TULP3: variants seen among roughly 807,000 people sequenced by gnomAD.
TULP3 encodes the protein TUB like protein 3, also known as tubby-related protein 3.
A neutral mutation model predicts 50.7 loss-of-function variants in TULP3; 38 were observed. That is an observed-to-expected ratio of 0.75 (90% confidence interval 0.58 to 0.98). The LOEUF is 0.98. Among genes scored for constraint, TULP3 ranks in the 50% least tolerant of loss-of-function variants. The pLI is 0.00. For missense variants in TULP3, 550 were observed against 568.0 expected (o/e 0.97, Z 0.32); for synonymous variants, 183 against 196.6 (o/e 0.93, Z 0.58).
chr12:2,931,124 A>T lies in TULP3; in HGVS notation c.580A>T (p.Ser194Cys), dbSNP rs372314358. 1.4e-4 allele frequency: 234 copies of T among 1,614,206 alleles called. No individual in the cohort carries two copies. In the Middle Eastern group the frequency reaches 1.8e-3, roughly 13 times the overall value. Reference sequence around the variant, plus strand: ...AGACGACCTGGAGGACTTTGTGTATAGTCCTGCCCCTCAAGGTGTCACAGT... The same window carrying T: ...AGACGACCTGGAGGACTTTGTGTATTGTCCTGCCCCTCAAGGTGTCACAGT... ...DIDDLEDFVY[S>C]PAPQGVTVRC... The change falls in exon 6 of 11, where the codon AGT becomes TGT. Residue 194 changes from serine (S) to cysteine (C), a missense_variant. Coordinates refer to ENST00000448120, the MANE Select transcript of TULP3 (RefSeq NM_003324.5).
chr12:2,927,658 T>C (rs1477384840), intron 4 of TULP3, among the ~76,000 whole-genome samples: 1 of 152,110 alleles, frequency 6.6e-6, no homozygotes, highest in Non-Finnish European at 1.5e-5. Context: ...CGGCCTGAGA[T>C]TGATTTTTTT....
intron 1 of TULP3, among the ~76,000 whole-genome samples, chr12:2,900,585 A>G (rs771690858): frequency 1.8e-4 from 26 of 142,088 alleles, no homozygotes; most frequent in Non-Finnish European, 3.6e-4. Flanking sequence ...ACTCAAAAAC[A>G]TCTGTTTTGA....
intron 2 of TULP3, among the ~76,000 whole-genome samples, chr12:2,918,346 A>AG (rs955314229): frequency 4.0e-5 from 6 of 151,760 alleles, no homozygotes; most frequent in Admixed American, 3.9e-4. Flanking sequence ...TCCTGACCTC[A>AG]GGTAATCCGC....
At chr12:2,935,797 C>T (rs1338352163) in intron 8 of TULP3, among the ~76,000 whole-genome samples, 4 of 151,358 alleles carry the variant, frequency 2.6e-5, no homozygotes, top group Non-Finnish European at 4.4e-5. Context: ...GGTGAAACCC[C>T]ATCTCTACTA....
rs2098204395 is a variant in TULP3, at chr12:2,940,809, T to G, written c.*1365T>G. 1.6e-6 allele frequency: 2 copies of G among 1,284,544 alleles called. No homozygotes were observed. Among genetic ancestry groups the G allele is most frequent in the African/African-American group, 1.5e-5 (1 of 66,962 alleles). 79.6% of individuals were successfully genotyped at this position (1,284,544 alleles called of 1,614,324 possible). ...CCTGCTGGGTGAGGACGAGACTGTT[T>G]CCATCTCAGGCATGTATCCCACCAA... On this transcript the variant is annotated 3_prime_UTR_variant, in exon 11 of 11. Transcript: ENST00000448120.
chr12:2,917,352 A>G (rs2098189191), intron 2 of TULP3, among the ~76,000 whole-genome samples: 1 of 151,984 alleles, frequency 6.6e-6, no homozygotes, highest in South Asian at 2.1e-4. Flanking sequence ...TGCACCTGTA[A>G]TCCCCGCTAC....
chr12:2,934,053 G>C (rs1449134879), intron 7 of TULP3, among the ~76,000 whole-genome samples: 1 of 152,182 alleles, frequency 6.6e-6, no homozygotes, highest in Non-Finnish European at 1.5e-5. Flanking sequence ...TTTGAGACCA[G>C]CCTGGGCAAC....
chr12:2,896,909 C>T (rs1256738617), intron 1 of TULP3, among the ~76,000 whole-genome samples: 1 of 152,100 alleles, frequency 6.6e-6, no homozygotes, highest in African/African-American at 2.4e-5. Context: ...TAATATAATT[C>T]CTGGCAGGCA....
chr12:2,930,870 A>T, intron 5 of TULP3, 167 bp from the exon 6 acceptor site: 1 of 723,944 alleles, frequency 1.4e-6, no homozygotes, highest in Non-Finnish European at 2.4e-6. Context: ...ACTCTTCATT[A>T]CTCTCAATAT....
At chr12:2,935,902 C>T (rs1373618567) in intron 8 of TULP3, among the ~76,000 whole-genome samples, 4 of 151,840 alleles carry the variant, frequency 2.6e-5, no homozygotes, top group Admixed American at 1.3e-4. Flanking sequence ...TTAGGAGGGT[C>T]GAGGCTGCAG....
rs146075749 is a variant in TULP3 at position 2,933,543 on chromosome 12, T to A, written c.809+13T>A. The A allele has an allele frequency of 1.7e-5, 26 of 1,519,324 alleles. No individual in the cohort carries two copies. In the African/African-American group the frequency reaches 2.7e-4, roughly 16 times the overall value. 94.1% of individuals were successfully genotyped at this position (1,519,324 alleles called of 1,614,324 possible). A position where few individuals can be genotyped will look rare whatever the true frequency, so the allele number is the denominator to read the frequency against. ...TCGGCAAGCTTAGGTGAAAGCAACCTTAGATCACTGTCCTATTCTTTCTGA... is the reference window on the plus strand; with the variant it reads ...TCGGCAAGCTTAGGTGAAAGCAACCATAGATCACTGTCCTATTCTTTCTGA... On this transcript the variant is annotated intron_variant, in intron 7 of 10. Coordinates refer to ENST00000448120, the MANE Select transcript of TULP3 (RefSeq NM_003324.5).
chr12:2,894,314 T>G (rs2098174134), intron 1 of TULP3, among the ~76,000 whole-genome samples: 3 of 145,760 alleles, frequency 2.1e-5, no homozygotes, highest in Non-Finnish European at 4.5e-5. Flanking sequence ...GGGGGGGAAA[T>G]CACCTGAGGT....
At chr12:2,937,977 A>T in intron 9 of TULP3, 137 bp from the exon 10 acceptor site, 1 of 1,034,808 alleles carries the variant, frequency 9.7e-7, no homozygotes, top group Non-Finnish European at 1.4e-6. Context: ...TTTAAAAAAA[A>T]CCTGTCTTCA....
At chr12:2,926,334 TA>T (rs770341019) in intron 4 of TULP3, among the ~76,000 whole-genome samples, 4 of 152,028 alleles carry the variant, frequency 2.6e-5, no homozygotes, top group Non-Finnish European at 5.9e-5. Context: ...ACCCCATCTC[TA>T]CAAAAAAATT....
At chr12:2,903,562 C>CA (rs78763103) in intron 1 of TULP3, among the ~76,000 whole-genome samples, 67 of 126,318 alleles carry the variant, frequency 5.3e-4, no homozygotes, top group South Asian at 1.5e-3. Flanking sequence ...GACTCTATCT[C>CA]AAAAAAAAAA....
intron 4 of TULP3, among the ~76,000 whole-genome samples, chr12:2,923,265 C>A (rs1331956625): frequency 2.0e-5 from 3 of 152,186 alleles, no homozygotes; most frequent in Non-Finnish European, 4.4e-5. Flanking sequence ...ATTAGGCAAA[C>A]ATTGCTAGGT....
rs57144523 is a variant in TULP3, at chr12:2,894,499, C to T, written c.41+3511C>T. Among the ~76,000 whole-genome samples, 405 of 151,940 alleles carry T rather than the reference C, an allele frequency of 2.7e-3. 3 individuals carry two copies. Among genetic ancestry groups the T allele is most frequent in the African/African-American group, 9.3e-3 (384 of 41,398 alleles). ...GCAGTGAGCCAAGACTGTGCCACTG[C>T]ACTCTAGCCTGGGTGACAGAGCAAG... is the stretch of plus-strand genomic sequence containing the variant. On this transcript the variant is annotated intron_variant, in intron 1 of 10. Coordinates refer to ENST00000448120, the MANE Select transcript of TULP3 (RefSeq NM_003324.5).
intron 1 of TULP3, among the ~76,000 whole-genome samples, chr12:2,906,032 ATTT>A (rs757029329): frequency 1.0e-4 from 14 of 139,046 alleles, no homozygotes; most frequent in African/African-American, 1.9e-4. Flanking sequence ...AAAAAAAAAA[ATTT>A]TTTTTTTTTT....
chr12:2,908,277 G>A (rs1474771681), intron 1 of TULP3, among the ~76,000 whole-genome samples: 1 of 152,080 alleles, frequency 6.6e-6, no homozygotes, highest in Non-Finnish European at 1.5e-5. Context: ...TTTTTCTGGC[G>A]CTAAGTTCCC....
Sources: gnomAD v4.1 joint callset for allele counts (sites outside exome capture counted in the v4.1 genomes callset) on GRCh38, gnomAD v4.1.1 for gene constraint, MANE v1.5 for transcripts, NCBI Gene and HGNC (gene_info 2026-07-23, HGNC 2026-07-21) for gene names.